The following PACRG variants were observed in gnomAD, a reference collection of about 807,000 sequenced individuals.
PACRG encodes parkin coregulated gene protein.
A neutral mutation model predicts 29.7 loss-of-function variants in PACRG; 29 were observed. The observed-to-expected ratio is 0.98, with a 90% CI of 0.73 to 1.33. The LOEUF (loss-of-function observed/expected upper bound fraction) is 1.33. PACRG is among the 40% of genes most tolerant of loss of function. The pLI, the probability that PACRG is intolerant of heterozygous loss-of-function variation, is 0.00. For missense variants in PACRG, 279 were observed against 316.2 expected (o/e 0.88, Z 0.89); for synonymous variants, 116 against 118.7 (o/e 0.98, Z 0.15).
chr6:162,970,235 C>A (rs1452845031), intron 2 of PACRG, among the ~76,000 whole-genome samples: 1 of 152,138 alleles, frequency 6.6e-6, no homozygotes, highest in Non-Finnish European at 1.5e-5. Flanking sequence ...GTGCAGATGC[C>A]ACCTATCCCC....
intron 4 of PACRG, among the ~76,000 whole-genome samples, chr6:163,126,523 T>G (rs565631941): frequency 6.6e-6 from 1 of 152,292 alleles, no homozygotes; most frequent in East Asian, 1.9e-4. Flanking sequence ...TTGAGACAGG[T>G]CACAATAATT....
At chr6:162,938,757 G>A (rs1169689672) in intron 2 of PACRG, among the ~76,000 whole-genome samples, 1 of 152,162 alleles carries the variant, frequency 6.6e-6, no homozygotes, top group African/African-American at 2.4e-5. Context: ...CATTAGTGAT[G>A]CTGAGCATTT....
chr6:163,298,301 T>C (rs1251756880), intron 4 of PACRG, among the ~76,000 whole-genome samples: 3 of 150,406 alleles, frequency 2.0e-5, no homozygotes, highest in Non-Finnish European at 4.4e-5. Context: ...GGGAAAAGGT[T>C]AACCCTCCTT....
At position 162,965,866 on chromosome 6, in the gene PACRG, C is replaced by G. The variant is rs533282161; in HGVS notation, c.292-96284C>G. On this transcript the variant is annotated intron_variant, in intron 2 of 4. Transcript: ENST00000366888. ...TGTATTTTGAAGTAGGAAGCAAAAG[C>G]AGCTGATGAGAATAAGGAGGCTAAA... Among the ~76,000 whole-genome samples the G allele has an allele frequency of 2.6e-5, 4 of 152,300 alleles. 1 individual carries two copies. In the South Asian group the frequency reaches 8.3e-4, roughly 32 times the overall value.
chr6:162,918,330 T>C (rs1796837683), intron 2 of PACRG, among the ~76,000 whole-genome samples: 1 of 152,216 alleles, frequency 6.6e-6, no homozygotes, highest in Non-Finnish European at 1.5e-5. Context: ...CATAATTATC[T>C]ATACTATAAT....
intron 4 of PACRG, 34 bp from the exon 5 acceptor site, chr6:163,314,793 G>A: frequency 6.2e-7 from 1 of 1,605,516 alleles, no homozygotes; most frequent in Non-Finnish European, 8.5e-7. Context: ...TTGCAGAGAA[G>A]TAACTGGCCT....
intron 2 of PACRG, among the ~76,000 whole-genome samples, chr6:162,936,098 G>C (rs1228834138): frequency 6.6e-6 from 1 of 152,276 alleles, no homozygotes; most frequent in Middle Eastern, 3.4e-3. Flanking sequence ...CATGACAGCT[G>C]CAAGAGAGAG....
At chr6:162,879,012 G>A (rs1307837874) in intron 2 of PACRG, among the ~76,000 whole-genome samples, 2 of 151,932 alleles carry the variant, frequency 1.3e-5, no homozygotes, top group Admixed American at 6.6e-5. Flanking sequence ...AATATGTATT[G>A]TAATTGCATA....
intron 2 of PACRG, among the ~76,000 whole-genome samples, chr6:162,844,303 C>A (rs551438141): frequency 2.0e-5 from 3 of 152,206 alleles, no homozygotes; most frequent in Non-Finnish European, 4.4e-5. Flanking sequence ...TCTCATGGTG[C>A]GCCGTTTTTT....
chr6:162,962,992 C>G (rs1404830690), intron 2 of PACRG, among the ~76,000 whole-genome samples: 1 of 152,048 alleles, frequency 6.6e-6, no homozygotes, highest in Non-Finnish European at 1.5e-5. Context: ...CTTTGAGGGA[C>G]CACATTCTAC....
At position 163,269,837 on chromosome 6, in the gene PACRG, A is replaced by AAG. The variant is rs1482277324; in HGVS notation, c.614-44989_614-44988insGA. ...GGAAGGAAGGAGAAAGAAAGAAAGA[A>AAG]AAAGAAAGAAAGAAAGAAAGAGAAA... On this transcript the variant is annotated intron_variant, in intron 4 of 4. Coordinates refer to ENST00000366888, the MANE Select transcript of PACRG (RefSeq NM_001080379.2). Among the ~76,000 whole-genome samples, 9 of 34,822 alleles carry AAG rather than the reference A, an allele frequency of 2.6e-4. 1 individual carries two copies. The South Asian group carries it at 2.7e-3, about 10-fold the overall frequency. 22.8% of individuals were successfully genotyped at this position (34,822 alleles called of 152,430 possible). A position where few individuals can be genotyped will look rare whatever the true frequency, so the allele number is the denominator to read the frequency against.
At chr6:163,276,016 T>C (rs550096884) in intron 4 of PACRG, among the ~76,000 whole-genome samples, 12 of 139,866 alleles carry the variant, frequency 8.6e-5, no homozygotes, top group East Asian at 4.3e-4. Flanking sequence ...TCCTTCTTTC[T>C]TTCTTTCTTT....
chr6:163,098,970 G>T (rs565110774), intron 4 of PACRG, among the ~76,000 whole-genome samples: 1 of 152,120 alleles, frequency 6.6e-6, no homozygotes, highest in African/African-American at 2.4e-5. Flanking sequence ...GGTTTGGGCC[G>T]GCTTCTTTAC....
chr6:162,870,063 G>C (rs181925040), intron 2 of PACRG, among the ~76,000 whole-genome samples: 5 of 152,252 alleles, frequency 3.3e-5, no homozygotes, highest in African/African-American at 7.2e-5. Flanking sequence ...TCTTTGAAAG[G>C]CTTCTGAGAT....
intron 3 of PACRG, among the ~76,000 whole-genome samples, chr6:163,087,019 G>A (rs1813623165): frequency 1.3e-5 from 2 of 152,056 alleles, no homozygotes; most frequent in Admixed American, 1.3e-4. Flanking sequence ...TTTAGCAGGT[G>A]GTGAGATGAT....
intron 2 of PACRG, among the ~76,000 whole-genome samples, chr6:162,918,425 A>G (rs926884027): frequency 6.6e-6 from 1 of 152,210 alleles, no homozygotes; most frequent in Non-Finnish European, 1.5e-5. Flanking sequence ...TAAGGACGAG[A>G]CATGAATCTA....
intron 4 of PACRG, among the ~76,000 whole-genome samples, chr6:163,297,470 A>T (rs1300442882): frequency 6.6e-6 from 1 of 152,114 alleles, no homozygotes; most frequent in Admixed American, 6.5e-5. Context: ...TCTGCCTCCA[A>T]GTTCATCTCC....
chr6:163,266,801 T>C (rs13216996), intron 4 of PACRG, among the ~76,000 whole-genome samples: 36,752 of 152,020 alleles, frequency 0.24, 4,825 homozygotes, highest in Middle Eastern at 0.33. Context: ...GGGGCTGATA[T>C]CCCAGCCGTC....
intron 4 of PACRG, among the ~76,000 whole-genome samples, chr6:163,311,416 G>C (rs1785408824): frequency 6.6e-6 from 1 of 152,134 alleles, no homozygotes; most frequent in Non-Finnish European, 1.5e-5. Flanking sequence ...AACCATTTGG[G>C]TTTATTCGTT....
Sources: allele counts gnomAD v4.1 joint callset (sites outside exome capture counted in the v4.1 genomes callset), GRCh38; gene constraint gnomAD v4.1.1; transcripts MANE v1.5; gene names NCBI Gene and HGNC (gene_info 2026-07-23, HGNC 2026-07-21).